Variants in SSH2 observed in about 807,000 individuals in gnomAD.
SSH2 encodes protein phosphatase Slingshot homolog 2.
A neutral mutation model predicts 135.2 loss-of-function variants in SSH2; 37 were observed. That is an observed-to-expected ratio of 0.27 (90% confidence interval 0.21 to 0.36). SSH2 has a LOEUF of 0.36. Ranked by LOEUF, SSH2 falls within the 10% of genes least tolerant of loss-of-function variation. SSH2 has a pLI of 1.00. For missense variants in SSH2, 1,408 were observed against 1,765.3 expected (o/e 0.80, Z 3.63); for synonymous variants, 628 against 646.2 (o/e 0.97, Z 0.43).
chr17:29,735,974 G>A (rs570786392), intron 3 of SSH2, among the ~76,000 whole-genome samples: 5 of 152,024 alleles, frequency 3.3e-5, no homozygotes, highest in African/African-American at 1.2e-4. Flanking sequence ...GTGCGTGCTT[G>A]TAATCCTAGC....
At chr17:29,895,610 T>C (rs71373656) in intron 1 of SSH2, among the ~76,000 whole-genome samples, 1 of 10,836 alleles carries the variant, frequency 9.2e-5, no homozygotes, top group Non-Finnish European at 1.7e-4. Flanking sequence ...ATTTTATATA[T>C]ACATTTTATA....
chr17:29,694,490 G>A (rs2038636113), intron 5 of SSH2, among the ~76,000 whole-genome samples: 1 of 152,174 alleles, frequency 6.6e-6, no homozygotes, highest in Non-Finnish European at 1.5e-5. Flanking sequence ...CCAATACGGT[G>A]AAACCCCATC....
At chr17:29,671,080 A>G (rs984283899) in intron 9 of SSH2, among the ~76,000 whole-genome samples, 9 of 152,220 alleles carry the variant, frequency 5.9e-5, no homozygotes, top group Non-Finnish European at 1.2e-4. Context: ...TCTAACTCAC[A>G]GTACACTAGG....
In SSH2 at chr17:29,898,581, A is replaced by G. The variant is rs571704556; in HGVS notation, c.63+31357T>C. 1.4e-4 allele frequency among the ~76,000 whole-genome samples: 21 copies of G among 152,362 alleles called. No homozygotes were observed. The East Asian group carries it at 3.5e-3, about 25-fold the overall frequency. On this transcript the variant is annotated intron_variant, in intron 1 of 15. Coordinates refer to ENST00000540801, the MANE Select transcript of SSH2 (RefSeq NM_001282129.2). ...TACACCCTCCCAAGACTACACCAGG[A>G]AGAAGCTGAATCTCTGAATAGATCA... is the stretch of plus-strand genomic sequence containing the variant.
intron 1 of SSH2, among the ~76,000 whole-genome samples, chr17:29,920,706 A>G (rs934557362): frequency 6.6e-6 from 1 of 152,160 alleles, no homozygotes; most frequent in Admixed American, 6.5e-5. Flanking sequence ...TAATACTATA[A>G]ATAGCTTTAA....
intron 2 of SSH2, among the ~76,000 whole-genome samples, chr17:29,837,841 T>TGGAGCTGGGG (rs1328096085): frequency 1.3e-5 from 2 of 152,226 alleles, no homozygotes; most frequent in African/African-American, 4.8e-5. Context: ...GCGCACTCCA[T>TGGAGCTGGGG]GGAGCTGGGG....
At chr17:29,789,892 A>C (rs1267379807) in intron 3 of SSH2, among the ~76,000 whole-genome samples, 1 of 152,182 alleles carries the variant, frequency 6.6e-6, no homozygotes, top group Non-Finnish European at 1.5e-5. Context: ...GAGATAGGAA[A>C]TCTATCCTAT....
chr17:29,681,112 G>A (rs1348702515), intron 6 of SSH2, among the ~76,000 whole-genome samples: 2 of 151,792 alleles, frequency 1.3e-5, no homozygotes, highest in African/African-American at 2.4e-5. Flanking sequence ...AAGCAGAGGC[G>A]GGCGGATCAC....
intron 3 of SSH2, among the ~76,000 whole-genome samples, chr17:29,764,598 A>C (rs1032864940): frequency 6.9e-4 from 105 of 152,350 alleles, no homozygotes; most frequent in African/African-American, 2.5e-3. Context: ...ATTTTGCACA[A>C]AGGCCCTGAA....
At chr17:29,710,133 C>T (rs2039381950) in intron 3 of SSH2, among the ~76,000 whole-genome samples, 1 of 152,104 alleles carries the variant, frequency 6.6e-6, no homozygotes, top group South Asian at 2.1e-4. Flanking sequence ...GTCAAGGAAG[C>T]AAAACAAAGC....
chr17:29,808,794 A>C (rs1207973738), intron 2 of SSH2, among the ~76,000 whole-genome samples: 1 of 152,114 alleles, frequency 6.6e-6, no homozygotes, highest in Non-Finnish European at 1.5e-5. Flanking sequence ...TATATGGTGG[A>C]GTGGGGGTTG....
At chr17:29,715,039 G>C (rs2039572502) in intron 3 of SSH2, among the ~76,000 whole-genome samples, 1 of 151,850 alleles carries the variant, frequency 6.6e-6, no homozygotes, top group South Asian at 2.1e-4. Context: ...GCTAATTTTT[G>C]TATTTTTAGT....
At chr17:29,741,934 CTTTTTTTTTT>C (rs71138848) in intron 3 of SSH2, among the ~76,000 whole-genome samples, 2 of 97,910 alleles carry the variant, frequency 2.0e-5, no homozygotes, top group Non-Finnish European at 4.0e-5. Context: ...ATTTTTTTTT[CTTTTTTTTTT>C]TTTTTTTTTT....
chr17:29,704,939 C>G (rs1406799332), intron 3 of SSH2, among the ~76,000 whole-genome samples: 1 of 152,116 alleles, frequency 6.6e-6, no homozygotes, highest in Non-Finnish European at 1.5e-5. Context: ...TAAAGGTTAG[C>G]TAGCAGACTG....
intron 5 of SSH2, among the ~76,000 whole-genome samples, chr17:29,687,967 C>T (rs2038293252): frequency 6.6e-6 from 1 of 151,734 alleles, no homozygotes; most frequent in Non-Finnish European, 1.5e-5. Flanking sequence ...AAGTGGGCTG[C>T]AAGAGTTTCT....
Position 29,631,942 on chromosome 17 carries a change from A to C in SSH2, c.3252T>G (p.Asp1084Glu). The C allele has an allele frequency of 6.2e-7, 1 of 1,614,110 alleles. No homozygotes were observed. The highest frequency in any genetic ancestry group is 8.5e-7 in the Non-Finnish European group (1 of 1,180,014). Residue 1084 changes from aspartate (D) to glutamate (E), a missense_variant, in exon 16 of 16, where the codon GAT becomes GAG. Physicochemically the swap from Asp to Glu is conservative, Grantham distance 45 (BLOSUM62 2). Coordinates refer to ENST00000540801, the MANE Select transcript of SSH2 (RefSeq NM_001282129.2). ...GGTCCAGAGTCCTGTTTAGATTTTCATCCAGTGTGCAGAGCACAGTGACAG... is the reference window on the plus strand; with the variant it reads ...GGTCCAGAGTCCTGTTTAGATTTTCCTCCAGTGTGCAGAGCACAGTGACAG... ...EKSVTVLCTL[D>E]ENLNRTLDPN...
chr17:29,739,708 A>G (rs2040492543), intron 3 of SSH2, among the ~76,000 whole-genome samples: 1 of 152,220 alleles, frequency 6.6e-6, no homozygotes, highest in South Asian at 2.1e-4. Flanking sequence ...TGATGTTAGT[A>G]TATGAAATAC....
At chr17:29,820,582 AT>A (rs974352650) in intron 2 of SSH2, among the ~76,000 whole-genome samples, 1 of 152,244 alleles carries the variant, frequency 6.6e-6, no homozygotes, top group Non-Finnish European at 1.5e-5. Flanking sequence ...CACTGACAGC[AT>A]ACCCCATGTC....
rs28587136 is a variant in SSH2 at position 29,635,565 on chromosome 17, A to G, written c.2262+403T>C. Among the ~76,000 whole-genome samples the G allele has an allele frequency of 5.5e-3, 824 of 150,940 alleles. 5 individuals are homozygous for G. Among genetic ancestry groups the G allele is most frequent in the African/African-American group, 0.018 (747 of 40,966 alleles). ...GACTACAGGCGCCGCCCGCCACCAC[A>G]CCTGGCTAATTTTTTGTATTTTTTA... On this transcript the variant is annotated intron_variant, in intron 15 of 15. Transcript: ENST00000540801.
Sources: allele counts gnomAD v4.1 joint callset (sites outside exome capture counted in the v4.1 genomes callset), GRCh38; gene constraint gnomAD v4.1.1; transcripts MANE v1.5; gene names NCBI Gene and HGNC (gene_info 2026-07-23, HGNC 2026-07-21).